The following RNASE11 variants were observed in gnomAD, a reference collection of about 807,000 sequenced individuals.
The protein encoded by RNASE11 is putative inactive ribonuclease 11.
For synonymous variants in RNASE11, 105 were observed against 86.1 expected (o/e 1.22, Z -1.21); for missense variants, 252 against 237.8 (o/e 1.06, Z -0.39).
exon 2 of RNASE11, chr14:20,583,801 G>C (rs1043937094): frequency 4.8e-6 from 7 of 1,456,000 alleles, no homozygotes; most frequent in Non-Finnish European, 5.6e-6. Flanking sequence ...TAGATATTAA[G>C]GAAAGGTTTA....
chr14:20,587,785 C>T, upstream of RNASE11: 1 of 985,528 alleles, frequency 1.0e-6, no homozygotes, highest in South Asian at 4.7e-5. Context: ...CCCCCAACGC[C>T]CCCTCCTAAA....
chr14:20,588,993 G>T (rs936357064), upstream of RNASE11, among the ~76,000 whole-genome samples: 3 of 152,014 alleles, frequency 2.0e-5, no homozygotes, highest in Non-Finnish European at 4.4e-5. Flanking sequence ...CACCATGTTG[G>T]CCAGGCTGAT....
At chr14:20,585,155 G>T (rs765043295) in intron 1 of RNASE11, 84 of 856,046 alleles carry the variant, frequency 9.8e-5, no homozygotes, top group Admixed American at 1.2e-4. Flanking sequence ...GGCAACAGAG[G>T]GGTAGATAGG....
exon 2 of RNASE11, chr14:20,584,188 T>C: frequency 1.2e-6 from 2 of 1,614,222 alleles, no homozygotes; most frequent in South Asian, 1.1e-5. Context: ...ATTGCAACAC[T>C]CTTTGTCATT....
exon 2 of RNASE11, chr14:20,584,095 A>C: frequency 6.2e-7 from 1 of 1,614,080 alleles, no homozygotes; most frequent in Non-Finnish European, 8.5e-7. Context: ...CCTGCGCATC[A>C]CTTCTGTGGA....
exon 2 of RNASE11, chr14:20,583,608 T>C (rs1727733572): frequency 2.7e-6 from 1 of 372,292 alleles, no homozygotes. Context: ...ATAGCTGAGC[T>C]AGGATGAAAT....
rs916668264 is a variant in RNASE11 at position 20,587,250 on chromosome 14, A to G, written c.-23+313T>C. Among the ~76,000 whole-genome samples the G allele has an allele frequency of 2.0e-5, 3 of 152,308 alleles. No individual in the cohort carries two copies. In the East Asian group the frequency reaches 5.8e-4, roughly 29 times the overall value. ...AAACTACGAATGTCTAAAATGTCAC[A>G]ATTCATTTGAATTTGGTGTTGATCC... On this transcript the variant is annotated intron_variant, in intron 1 of 1. Coordinates refer to ENST00000553849, the Ensembl canonical transcript of RNASE11.
downstream of RNASE11, chr14:20,583,557 C>T (rs1019388459): frequency 3.7e-6 from 1 of 272,034 alleles, no homozygotes. Flanking sequence ...TCCTTGTTTC[C>T]TTAATTCTGC....
intron 1 of RNASE11, among the ~76,000 whole-genome samples, chr14:20,585,436 G>T (rs559252493): frequency 1.4e-3 from 220 of 152,012 alleles, no homozygotes; most frequent in African/African-American, 4.9e-3. Flanking sequence ...TCTCCCTCTT[G>T]TTAGGCTAAA....
upstream of RNASE11, chr14:20,590,211 C>G (rs1337707927): frequency 7.6e-6 from 12 of 1,575,248 alleles, no homozygotes; most frequent in African/African-American, 1.5e-4. Context: ...CGGTCCAGGT[C>G]TGCCTCAGGC....
At chr14:20,590,222 A>G, upstream of RNASE11, 3 of 1,586,810 alleles carry the variant, frequency 1.9e-6, no homozygotes, top group African/African-American at 1.3e-5. Context: ...TGCCTCAGGC[A>G]CAGCCAGCTC....
chr14:20,584,968 T>C, intron 1 of RNASE11: 1 of 615,740 alleles, frequency 1.6e-6, no homozygotes, highest in Non-Finnish European at 2.0e-6. Context: ...CACATTGCCA[T>C]TTCCCCATCT....
intron 1 of RNASE11, among the ~76,000 whole-genome samples, chr14:20,587,222 C>A (rs1884453726): frequency 6.6e-6 from 1 of 152,122 alleles, no homozygotes; most frequent in Non-Finnish European, 1.5e-5. Flanking sequence ...TACACACACA[C>A]CCAAACTACG....
rs1352920955 is a variant in RNASE11 at position 20,584,511 on chromosome 14, A to G, written c.-22-15T>C. 6.6e-7 allele frequency: 1 copy of G among 1,522,190 alleles called. No homozygotes were observed. Among genetic ancestry groups the G allele is most frequent in the Non-Finnish European group, 8.8e-7 (1 of 1,139,222 alleles). The allele number at this position is 1,522,190 out of a possible 1,614,324, so 94.3% of individuals were successfully genotyped here. On this transcript the variant is annotated splice_polypyrimidine_tract_variant and intron_variant, in intron 1 of 1. Transcript: ENST00000553849. ...TGTAATCTCTTCTGCAGTAAAGACA[A>G]TAAATGAAAGATAAAATAAGAAGAT...
rs531091199 is a variant in RNASE11, at chr14:20,586,002, CT to C, written c.-22-1507del. 5.8e-3 allele frequency among the ~76,000 whole-genome samples: 887 copies of C among 152,280 alleles called. 12 individuals are homozygous for C. Among genetic ancestry groups the C allele is most frequent in the African/African-American group, 0.021 (856 of 41,562 alleles). On this transcript the variant is annotated intron_variant, in intron 1 of 1. Coordinates refer to ENST00000553849, the Ensembl canonical transcript of RNASE11. ...ACCCTTACTTCCCTCCTAATCACCC[CT>C]TCCTGACCCTCCAATTTCTTCTATA...
exon 2 of RNASE11, chr14:20,584,112 G>T: frequency 1.9e-6 from 3 of 1,614,192 alleles, no homozygotes; most frequent in Non-Finnish European, 2.5e-6. Context: ...TGGAGCTGCG[G>T]ATGAAGTTAT....
intron 1 of RNASE11, among the ~76,000 whole-genome samples, chr14:20,584,847 T>C (rs1884402592): frequency 6.6e-6 from 1 of 152,204 alleles, no homozygotes; most frequent in South Asian, 2.1e-4. Flanking sequence ...GTGTATAATC[T>C]CCATGGTGGG....
intron 1 of RNASE11, among the ~76,000 whole-genome samples, chr14:20,585,455 G>C (rs553878369): frequency 1.2e-4 from 19 of 152,052 alleles, no homozygotes; most frequent in African/African-American, 4.6e-4. Flanking sequence ...AAAATTCCTC[G>C]AGCCTGAAAC....
downstream of RNASE11, chr14:20,583,108 G>A (rs1442205717): frequency 6.6e-6 from 1 of 152,184 alleles, no homozygotes; most frequent in African/African-American, 2.4e-5. Context: ...AAGACATCAA[G>A]GTTGAAGACC....
Sources: gnomAD v4.1 joint callset for allele counts (sites outside exome capture counted in the v4.1 genomes callset) on GRCh38, gnomAD v4.1.1 for gene constraint, MANE v1.5 for transcripts, NCBI Gene and HGNC (gene_info 2026-07-23, HGNC 2026-07-21) for gene names.